Variants in EDIL3 observed in about 807,000 individuals in gnomAD.
EDIL3 encodes the protein EGF like and discoidin domains 3, also known as EGF-like repeat and discoidin I-like domain-containing protein 3.
EDIL3 carries 37 observed loss-of-function variants against 67.4 expected under a neutral mutation model. The ratio of observed to expected loss-of-function variants is 0.55; its 90% CI spans 0.42 to 0.72. The LOEUF is 0.72. EDIL3 is among the 30% of genes least tolerant of loss of function. The pLI, the probability that EDIL3 is intolerant of heterozygous loss-of-function variation, is 0.00. For missense variants in EDIL3, 527 were observed against 586.3 expected (o/e 0.90, Z 1.04); for synonymous variants, 195 against 196.3 (o/e 0.99, Z 0.05).
At chr5:84,233,486 G>A (rs1001810413) in intron 2 of EDIL3, among the ~76,000 whole-genome samples, 2 of 152,030 alleles carry the variant, frequency 1.3e-5, no homozygotes, top group African/African-American at 2.4e-5. Flanking sequence ...TTTATATTCC[G>A]GTTGTTTCAC....
intron 1 of EDIL3, among the ~76,000 whole-genome samples, chr5:84,371,319 G>GTATATATATATATATA (rs71607709): frequency 0.039 from 4,507 of 114,866 alleles, 97 homozygotes; most frequent in Non-Finnish European, 0.052. Flanking sequence ...TAGATAAAAA[G>GTATATATATATATATA]TATATATATA....
intron 9 of EDIL3, among the ~76,000 whole-genome samples, chr5:83,986,948 A>G (rs997982728): frequency 6.6e-6 from 1 of 152,114 alleles, no homozygotes. Context: ...GAATTTGGGA[A>G]GGGACTTTCT....
In EDIL3 at chr5:84,384,616, G is replaced by C. The variant is rs960484287; in HGVS notation, c.-242C>G. The C allele has an allele frequency of 3.1e-6, 1 of 325,404 alleles. No homozygotes were observed. The highest frequency in any genetic ancestry group is 5.5e-6 in the Non-Finnish European group (1 of 180,336). The allele number at this position is 325,404 out of a possible 1,614,324, so 20.2% of individuals were successfully genotyped here. On this transcript the variant is annotated 5_prime_UTR_variant, in exon 1 of 11. Transcript: ENST00000296591. ...CGCGCGGAGGTGGGTGAGCTCCGGG[G>C]AGCCGCCGGCGGGCTCAGCCCTCCG...
intron 1 of EDIL3, among the ~76,000 whole-genome samples, chr5:84,350,230 C>G (rs976476837): frequency 6.6e-6 from 1 of 152,020 alleles, no homozygotes; most frequent in Admixed American, 6.6e-5. Context: ...ATATCTGAAC[C>G]AATTTACAAT....
In EDIL3 at chr5:83,942,158, T is replaced by G. The variant is rs1213267094; in HGVS notation, c.*1261A>C. The G allele has an allele frequency of 6.6e-6, 1 of 152,056 alleles. No homozygotes were observed. Among genetic ancestry groups the G allele is most frequent in the Admixed American group, 6.6e-5 (1 of 15,238 alleles). 9.4% of individuals were successfully genotyped at this position (152,056 alleles called of 1,614,324 possible). ...AGTGTGAGCTTTAATTTGAGAGACATGTCAATGAAACCTCCAGTATCAATA... is the reference window on the plus strand; with the variant it reads ...AGTGTGAGCTTTAATTTGAGAGACAGGTCAATGAAACCTCCAGTATCAATA... On this transcript the variant is annotated 3_prime_UTR_variant, in exon 11 of 11. Coordinates refer to ENST00000296591, the MANE Select transcript of EDIL3 (RefSeq NM_005711.5).
intron 9 of EDIL3, among the ~76,000 whole-genome samples, chr5:83,976,475 A>G (rs1744878483): frequency 6.6e-6 from 1 of 151,890 alleles, no homozygotes; most frequent in African/African-American, 2.4e-5. Context: ...TTTTTGCCAT[A>G]GACTTTTTAG....
At chr5:84,341,011 G>A (rs1016019934) in intron 1 of EDIL3, among the ~76,000 whole-genome samples, 2 of 151,834 alleles carry the variant, frequency 1.3e-5, no homozygotes, top group African/African-American at 4.8e-5. Context: ...GTCAGCTCAG[G>A]GAAGACTTAA....
rs144284328 is a variant in EDIL3 at position 83,941,998 on chromosome 5, T to C, written c.*1421A>G. 1 of 152,090 alleles carries C rather than the reference T, an allele frequency of 6.6e-6. No homozygotes were observed. Among genetic ancestry groups the C allele is most frequent in the East Asian group, 1.9e-4 (1 of 5,148 alleles). 9.4% of individuals were successfully genotyped at this position (152,090 alleles called of 1,614,324 possible). ...AAAAAAATAGCAGTGTTGCGTAGGA[T>C]CTTAACATTTCATACACATACCATC... On this transcript the variant is annotated 3_prime_UTR_variant, in exon 11 of 11. Transcript: ENST00000296591.
At chr5:84,210,338 A>G (rs1053464422) in intron 3 of EDIL3, among the ~76,000 whole-genome samples, 1 of 152,154 alleles carries the variant, frequency 6.6e-6, no homozygotes, top group Non-Finnish European at 1.5e-5. Flanking sequence ...CTGACTGGAT[A>G]AAATATGTGT....
intron 1 of EDIL3, among the ~76,000 whole-genome samples, chr5:84,313,630 G>A (rs1746449743): frequency 6.6e-6 from 1 of 152,098 alleles, no homozygotes; most frequent in Non-Finnish European, 1.5e-5. Context: ...ACTCCCAAGA[G>A]CCATTAGACT....
chr5:84,088,529 G>C (rs1372037538), intron 6 of EDIL3, among the ~76,000 whole-genome samples: 1 of 152,136 alleles, frequency 6.6e-6, no homozygotes, highest in African/African-American at 2.4e-5. Flanking sequence ...CTAAAATTCA[G>C]TACTTCATCT....
chr5:83,992,290 C>T (rs552437139), intron 9 of EDIL3, among the ~76,000 whole-genome samples: 8 of 152,212 alleles, frequency 5.3e-5, no homozygotes, highest in Admixed American at 2.0e-4. Flanking sequence ...ATTTCATGAA[C>T]TCTTTAGATT....
intron 4 of EDIL3, among the ~76,000 whole-genome samples, chr5:84,156,262 C>T (rs982437117): frequency 6.6e-6 from 1 of 152,110 alleles, no homozygotes; most frequent in East Asian, 1.9e-4. Flanking sequence ...GACAGCTGTT[C>T]CAGAGTTCTT....
At chr5:84,307,276 T>C (rs1746291349) in intron 1 of EDIL3, among the ~76,000 whole-genome samples, 1 of 148,336 alleles carries the variant, frequency 6.7e-6, no homozygotes, top group African/African-American at 2.4e-5. Context: ...TTGGGGAAGA[T>C]GTTCTAGGCA....
chr5:84,296,559 A>G (rs1167467261), intron 1 of EDIL3, among the ~76,000 whole-genome samples: 1 of 152,196 alleles, frequency 6.6e-6, no homozygotes, highest in African/African-American at 2.4e-5. Flanking sequence ...GTTATTCTTT[A>G]TGCTACCTAA....
intron 4 of EDIL3, among the ~76,000 whole-genome samples, chr5:84,167,679 G>A (rs1317129371): frequency 3.3e-5 from 5 of 152,074 alleles, no homozygotes; most frequent in Admixed American, 3.3e-4. Flanking sequence ...AATTGACAGG[G>A]CATCACCAAG....
At chr5:84,250,225 A>G (rs1244909234) in intron 2 of EDIL3, among the ~76,000 whole-genome samples, 1 of 152,184 alleles carries the variant, frequency 6.6e-6, no homozygotes, top group Non-Finnish European at 1.5e-5. Flanking sequence ...TCCTACTGCC[A>G]TTTTCAGATA....
intron 9 of EDIL3, among the ~76,000 whole-genome samples, chr5:83,965,080 T>G (rs1279264268): frequency 6.6e-6 from 1 of 152,052 alleles, no homozygotes; most frequent in Non-Finnish European, 1.5e-5. Context: ...ATATCACAGA[T>G]TCAAATCAAA....
intron 10 of EDIL3, among the ~76,000 whole-genome samples, chr5:83,955,535 A>G (rs1401644160): frequency 1.3e-5 from 2 of 151,730 alleles, no homozygotes; most frequent in Non-Finnish European, 2.9e-5. Flanking sequence ...AAGAAAAAAC[A>G]ATAAGCATGT....
Sources: gnomAD v4.1 joint callset for allele counts (sites outside exome capture counted in the v4.1 genomes callset) on GRCh38, gnomAD v4.1.1 for gene constraint, MANE v1.5 for transcripts, NCBI Gene and HGNC (gene_info 2026-07-23, HGNC 2026-07-21) for gene names.